ATP7B: variants seen among roughly 807,000 people sequenced by gnomAD.
ATP7B encodes the protein copper-transporting ATPase 2.
In ATP7B, 113 loss-of-function variants were observed where a neutral mutation model predicts 118.9. That is an observed-to-expected ratio of 0.95 (90% CI 0.82 to 1.11). The LOEUF (loss-of-function observed/expected upper bound fraction) is 1.11. Ranked by LOEUF, ATP7B falls within the 50% of genes most tolerant of loss-of-function variation. ATP7B has a pLI of 0.00. For synonymous variants in ATP7B, 777 were observed against 727.4 expected (o/e 1.07, Z -1.10); for missense variants, 1,867 against 1,871.4 (o/e 1.00, Z 0.04).
chr13:51,957,868 T>C, intron 8 of ATP7B: 1 of 513,470 alleles, frequency 1.9e-6, no homozygotes, highest in South Asian at 2.1e-5. Flanking sequence ...GTCTTCCCAC[T>C]GACCATTTTC....
rs886050309 is a variant in ATP7B, at chr13:52,011,410, C to A, written c.-73G>T. 1.2e-5 allele frequency: 20 copies of A among 1,607,040 alleles called. No homozygotes were observed. The highest frequency in any genetic ancestry group is 1.5e-5 in the Non-Finnish European group (18 of 1,174,054). On this transcript the variant is annotated 5_prime_UTR_variant, in exon 1 of 21. Coordinates refer to ENST00000242839, the MANE Select transcript of ATP7B (RefSeq NM_000053.4). ...AGGTCACCTGGTCGGTGGAGGAGAG[C>A]GGGGTGTTAAAGTCCCGGGAGAGGA...
intron 19 of ATP7B, among the ~76,000 whole-genome samples, chr13:51,936,421 T>C (rs1956963456): frequency 6.9e-6 from 1 of 144,142 alleles, no homozygotes; most frequent in Non-Finnish European, 1.5e-5. Context: ...GAACTTTTCA[T>C]TGCCATGTTC....
In ATP7B at chr13:51,944,025, T is replaced by C. The variant is rs373087751; in HGVS notation, c.3243+84A>G. On this transcript the variant is annotated intron_variant, in intron 14 of 20. Coordinates refer to ENST00000242839, the MANE Select transcript of ATP7B (RefSeq NM_000053.4). ...TTCCAGACCACACAGAGAAGGCTCC[T>C]CGAGGGCAGCTAGGAGAGAAGGACA... 5.7e-6 allele frequency: 9 copies of C among 1,572,060 alleles called. No individual in the cohort carries two copies. In the African/African-American group the frequency reaches 6.7e-5, roughly 12 times the overall value.
upstream of ATP7B, chr13:52,011,454 A>ACCGGC (rs1954033438): frequency 2.2e-6 from 3 of 1,359,050 alleles, no homozygotes; most frequent in East Asian, 7.5e-5. Flanking sequence ...GTGTGAGGGC[A>ACCGGC]TCGGCGCGGC....
In ATP7B at chr13:51,934,812, C is replaced by A. The variant is rs990205570; in HGVS notation, c.4342G>T (p.Asp1448Tyr). 1.2e-6 allele frequency: 2 copies of A among 1,614,080 alleles called. No individual in the cohort carries two copies. The highest frequency in any genetic ancestry group is 2.7e-5 in the African/African-American group (2 of 74,954). ...PSRHSAAADD[D>Y]GDKWSLLLNG... Reference sequence around the variant, plus strand: ...AGGAGCAGAGACCACTTGTCCCCATCATCGTCTGCTGCAGCGCTGTGCCGA... The same window carrying A: ...AGGAGCAGAGACCACTTGTCCCCATAATCGTCTGCTGCAGCGCTGTGCCGA... Residue 1448 changes from aspartate (D) to tyrosine (Y), a missense_variant, in exon 21 of 21, where the codon GAT becomes TAT. Transcript: ENST00000242839.
At chr13:51,935,076 G>A in intron 20 of ATP7B, 47 bp from the exon 21 acceptor site, 4 of 1,607,822 alleles carry the variant, frequency 2.5e-6, no homozygotes, top group Non-Finnish European at 3.4e-6. Context: ...TAGAAACAAG[G>A]CTTTTTTTTT....
At chr13:51,969,283 G>C (rs1411635541) in intron 3 of ATP7B, among the ~76,000 whole-genome samples, 1 of 152,024 alleles carries the variant, frequency 6.6e-6, no homozygotes, top group Non-Finnish European at 1.5e-5. Context: ...GTCGGTCTAG[G>C]ATGAGGTTTG....
intron 3 of ATP7B, among the ~76,000 whole-genome samples, chr13:51,969,110 T>G (rs1951716991): frequency 6.6e-6 from 1 of 151,458 alleles, no homozygotes; most frequent in Non-Finnish European, 1.5e-5. Flanking sequence ...CCGCTCGCCT[T>G]GGCCTCCCAA....
chr13:52,000,772 G>A (rs1724294006), intron 1 of ATP7B, among the ~76,000 whole-genome samples: 1 of 152,186 alleles, frequency 6.6e-6, no homozygotes, highest in African/African-American at 2.4e-5. Context: ...TGTAATCCCA[G>A]CACTTTGGAA....
Position 51,950,392 on chromosome 13 carries a change from G to C in ATP7B, c.2455C>G (p.Gln819Glu), listed in dbSNP as rs1160902246. Residue 819 changes from glutamine (Q) to glutamate (E), a missense_variant, in exon 10 of 21, where the codon CAA (glutamine) becomes GAA (glutamate). Gln to Glu is a conservative substitution (Grantham distance 29, BLOSUM62 2). Transcript: ENST00000242839. Reference protein sequence around the residue: ...GEDNLIIREEQVPMELVQRGD... With the variant: ...GEDNLIIREEEVPMELVQRGD... The stretch of plus-strand genomic sequence containing the variant: ...CGCTGCACCAGCTCCATGGGGACTT[G>C]CTCCTCCCTGCAACAAACGCCACTT... The C allele has an allele frequency of 6.2e-7, 1 of 1,613,988 alleles. No individual in the cohort carries two copies. The highest frequency in any genetic ancestry group is 8.5e-7 in the Non-Finnish European group (1 of 1,180,032).
intron 16 of ATP7B, among the ~76,000 whole-genome samples, chr13:51,940,772 G>C (rs990711498): frequency 2.0e-5 from 3 of 152,210 alleles, no homozygotes; most frequent in African/African-American, 7.2e-5. Flanking sequence ...TCTGTCTGCA[G>C]GGATGAAGGA....
Position 51,934,341 on chromosome 13 carries a change from A to C in ATP7B, c.*415T>G. 1 of 301,756 alleles carries C rather than the reference A, an allele frequency of 3.3e-6. No homozygotes were observed. 18.7% of individuals were successfully genotyped at this position (301,756 alleles called of 1,614,324 possible). A position where few individuals can be genotyped will look rare whatever the true frequency, so the allele number is the denominator to read the frequency against. ...ATGATGCACACAGACAGGCGTCATCAGAAAGACCCTGACAGTGAGGTCTGC... is the reference window on the plus strand; with the variant it reads ...ATGATGCACACAGACAGGCGTCATCCGAAAGACCCTGACAGTGAGGTCTGC... On this transcript the variant is annotated 3_prime_UTR_variant, in exon 21 of 21. Coordinates refer to ENST00000242839, the MANE Select transcript of ATP7B (RefSeq NM_000053.4).
chr13:51,950,343 G>C lies in ATP7B; in HGVS notation c.2504C>G (p.Pro835Arg). The C allele has an allele frequency of 6.2e-7, 1 of 1,614,112 alleles. No homozygotes were observed. Among genetic ancestry groups the C allele is most frequent in the Non-Finnish European group, 8.5e-7 (1 of 1,180,018 alleles). Residue 835 changes from proline (P) to arginine (R), a missense_variant, in exon 10 of 21, where the codon CCT (proline) becomes CGT (arginine). By Grantham distance (103) the Pro-to-Arg change is moderately radical. Coordinates refer to ENST00000242839, the MANE Select transcript of ATP7B (RefSeq NM_000053.4). ...VQRGDIVKVV[P>R]GGKFPVDGKV... ...CCCATCCACTGGAAACTTTCCCCCA[G>C]GGACCACCTTGACGATATCGCCCCG... is the stretch of plus-strand genomic sequence containing the variant.
intron 1 of ATP7B, chr13:51,995,243 A>G: frequency 1.1e-6 from 1 of 948,710 alleles, no homozygotes; most frequent in South Asian, 4.9e-5. Flanking sequence ...AGAGACATGG[A>G]GAGAAACCTC....
intron 9 of ATP7B, among the ~76,000 whole-genome samples, chr13:51,954,877 A>G (rs1958236469): frequency 6.6e-6 from 1 of 152,154 alleles, no homozygotes; most frequent in Non-Finnish European, 1.5e-5. Context: ...GACGTGGGAG[A>G]GTGAGACGTC....
chr13:52,011,662 A>G (rs1566689556), upstream of ATP7B, among the ~76,000 whole-genome samples: 1 of 152,196 alleles, frequency 6.6e-6, no homozygotes, highest in Admixed American at 6.5e-5. Flanking sequence ...CCCACCCTGG[A>G]ACTGCCGGCC....
At chr13:51,999,841 T>C (rs1053943404) in intron 1 of ATP7B, among the ~76,000 whole-genome samples, 3 of 152,144 alleles carry the variant, frequency 2.0e-5, no homozygotes, top group African/African-American at 7.2e-5. Flanking sequence ...CCCTTCGCTC[T>C]CCGAGACAGT....
chr13:51,988,544 T>A (rs559335067), intron 1 of ATP7B, among the ~76,000 whole-genome samples: 2 of 152,226 alleles, frequency 1.3e-5, no homozygotes, highest in Middle Eastern at 3.4e-3. Flanking sequence ...GACCCAGCAA[T>A]CCCATTACTG....
At chr13:51,948,573 T>C (rs1450704232) in intron 12 of ATP7B, among the ~76,000 whole-genome samples, 1 of 152,202 alleles carries the variant, frequency 6.6e-6, no homozygotes, top group Non-Finnish European at 1.5e-5. Context: ...ACCTCAGTGC[T>C]ACTGACATTT....
Sources: allele counts gnomAD v4.1 joint callset (sites outside exome capture counted in the v4.1 genomes callset), GRCh38; gene constraint gnomAD v4.1.1; transcripts MANE v1.5; gene names NCBI Gene and HGNC (gene_info 2026-07-23, HGNC 2026-07-21).